GALNT13: variants seen among roughly 807,000 people sequenced by gnomAD.
GALNT13 encodes UDP-GalNAc:polypeptide N-acetylgalactosaminyltransferase 13.
GALNT13 carries 28 observed loss-of-function variants against 64.2 expected under a neutral mutation model. The ratio of observed to expected loss-of-function variants is 0.44; its 90% confidence interval spans 0.32 to 0.60. GALNT13 has a LOEUF of 0.60. Among genes scored for constraint, GALNT13 ranks in the 20% least tolerant of loss-of-function variants. The pLI is 0.05. For synonymous variants in GALNT13, 214 were observed against 224.6 expected (o/e 0.95, Z 0.42); for missense variants, 577 against 669.8 (o/e 0.86, Z 1.53).
At chr2:153,312,740 A>C in the GALNT13 span, among the ~76,000 whole-genome samples, 1 of 152,194 alleles carries the variant, frequency 6.6e-6, no homozygotes, top group Admixed American at 6.5e-5. Context: ...GGGCTAGGCC[A>C]TGTGTCTATT....
At chr2:153,567,028 T>G in the GALNT13 span, among the ~76,000 whole-genome samples, 1 of 152,182 alleles carries the variant, frequency 6.6e-6, no homozygotes, top group Non-Finnish European at 1.5e-5. Context: ...TTGACATATT[T>G]GTCCTTTTAT....
At chr2:153,138,193 A>G in the GALNT13 span, among the ~76,000 whole-genome samples, 1 of 152,072 alleles carries the variant, frequency 6.6e-6, no homozygotes, top group Non-Finnish European at 1.5e-5. Flanking sequence ...AAACTTTCAG[A>G]TTCTGATTCT....
the GALNT13 span, among the ~76,000 whole-genome samples, chr2:153,378,455 C>A: frequency 6.6e-6 from 1 of 151,882 alleles, no homozygotes; most frequent in African/African-American, 2.4e-5. Flanking sequence ...AATTTTTTTG[C>A]AGCTATGATT....
chr2:153,633,211 C>T, the GALNT13 span, among the ~76,000 whole-genome samples: 2 of 152,134 alleles, frequency 1.3e-5, no homozygotes, highest in African/African-American at 4.8e-5. Flanking sequence ...TAATTTCCAA[C>T]ATATACAAAA....
the GALNT13 span, among the ~76,000 whole-genome samples, chr2:153,316,056 A>G: frequency 6.6e-6 from 1 of 152,122 alleles, no homozygotes; most frequent in East Asian, 1.9e-4. Context: ...ATCATTAGTA[A>G]TCAGGGATAT....
At chr2:153,653,037 G>A in the GALNT13 span, among the ~76,000 whole-genome samples, 10 of 151,990 alleles carry the variant, frequency 6.6e-5, no homozygotes, top group South Asian at 1.0e-3. Context: ...TTTGTATATC[G>A]GAAATACATA....
the GALNT13 span, among the ~76,000 whole-genome samples, chr2:153,126,333 TA>T: frequency 8.3e-5 from 4 of 48,242 alleles, no homozygotes; most frequent in African/African-American, 1.8e-4. Context: ...TATATATATA[TA>T]TATATATATA....
chr2:154,013,845 T>C (rs1010283038), intron 3 of GALNT13, among the ~76,000 whole-genome samples: 2 of 151,912 alleles, frequency 1.3e-5, no homozygotes, highest in Admixed American at 6.5e-5. Flanking sequence ...GCCAAAGCAG[T>C]GAGGGGAGGC....
intron 3 of GALNT13, among the ~76,000 whole-genome samples, chr2:154,107,746 A>G (rs1479309903): frequency 1.3e-5 from 2 of 152,112 alleles, no homozygotes; most frequent in South Asian, 2.1e-4. Context: ...CCCTTTGACC[A>G]TCAACTCCAA....
the GALNT13 span, among the ~76,000 whole-genome samples, chr2:153,206,633 G>A: frequency 6.6e-6 from 1 of 151,936 alleles, no homozygotes; most frequent in Non-Finnish European, 1.5e-5. Context: ...GAGTTCATTA[G>A]ATATAAGATT....
chr2:153,298,026 T>G, the GALNT13 span, among the ~76,000 whole-genome samples: 1 of 152,192 alleles, frequency 6.6e-6, no homozygotes, highest in Non-Finnish European at 1.5e-5. Flanking sequence ...GCATGTAATT[T>G]AGGAGAAAGT....
the GALNT13 span, among the ~76,000 whole-genome samples, chr2:153,663,727 C>G: frequency 6.6e-6 from 1 of 152,298 alleles, no homozygotes; most frequent in Middle Eastern, 3.4e-3. Context: ...CTACATAGTG[C>G]CTTGCTAATT....
At chr2:153,878,156 T>A (rs1822771) in intron 1 of GALNT13, among the ~76,000 whole-genome samples, 77,275 of 152,064 alleles carry the variant, frequency 0.51, 20,726 homozygotes, top group East Asian at 0.9. Flanking sequence ...TTCTATCATC[T>A]CAATTTTATA....
At chr2:153,402,551 A>G in the GALNT13 span, among the ~76,000 whole-genome samples, 1 of 152,072 alleles carries the variant, frequency 6.6e-6, no homozygotes, top group African/African-American at 2.4e-5. Context: ...TCTCCCCATC[A>G]CTTTCAGGTA....
At chr2:153,451,419 C>T in the GALNT13 span, among the ~76,000 whole-genome samples, 1 of 152,068 alleles carries the variant, frequency 6.6e-6, no homozygotes, top group African/African-American at 2.4e-5. Flanking sequence ...GTAAGAAATT[C>T]GCAAAGTATG....
intron 12 of GALNT13, among the ~76,000 whole-genome samples, 184 bp from the exon 13 acceptor site, chr2:154,450,227 A>G (rs1574336911): frequency 6.6e-6 from 1 of 152,080 alleles, no homozygotes; most frequent in African/African-American, 2.4e-5. Context: ...TGATGACTTC[A>G]TAACAGTCAA....
chr2:153,517,306 T>G, the GALNT13 span, among the ~76,000 whole-genome samples: 1 of 152,192 alleles, frequency 6.6e-6, no homozygotes, highest in Non-Finnish European at 1.5e-5. Context: ...AGACCCTGAG[T>G]GTTTTCAAAA....
chr2:153,536,088 A>G, the GALNT13 span, among the ~76,000 whole-genome samples: 15 of 152,320 alleles, frequency 9.8e-5, no homozygotes, highest in East Asian at 2.5e-3. Flanking sequence ...AAACTTTTTA[A>G]GAATAGAGTA....
chr2:153,676,134 A>G, the GALNT13 span, among the ~76,000 whole-genome samples: 1 of 152,156 alleles, frequency 6.6e-6, no homozygotes, highest in South Asian at 2.1e-4. Flanking sequence ...ATAATGAAAA[A>G]AAGATGAAAA....
Sources: allele counts gnomAD v4.1 joint callset (sites outside exome capture counted in the v4.1 genomes callset), GRCh38; gene constraint gnomAD v4.1.1; transcripts MANE v1.5; gene names NCBI Gene and HGNC (gene_info 2026-07-23, HGNC 2026-07-21).